The following KIF1A variants were observed in gnomAD, a reference collection of about 807,000 sequenced individuals.
The protein encoded by KIF1A is kinesin-like protein KIF1A.
In KIF1A, 46 loss-of-function variants were observed where a neutral mutation model predicts 227.3. The observed-to-expected ratio is 0.20, with a 90% confidence interval of 0.16 to 0.26. The LOEUF (loss-of-function observed/expected upper bound fraction) is 0.26, where lower values mean the gene tolerates loss of function less well. KIF1A is among the 10% of genes least tolerant of loss of function. KIF1A has a pLI of 1.00. For synonymous variants in KIF1A, 1,022 were observed against 1,012.8 expected (o/e 1.01, Z -0.17); for missense variants, 1,683 against 2,485.9 (o/e 0.68, Z 6.87).
chr2:240,744,268 T>A (rs908441757), intron 32 of KIF1A, among the ~76,000 whole-genome samples: 1 of 152,078 alleles, frequency 6.6e-6, no homozygotes, highest in African/African-American at 2.4e-5. Context: ...CTGGAGTGTG[T>A]CCCTCGGGCT....
chr2:240,730,240 G>T (rs2125659319), intron 38 of KIF1A, among the ~76,000 whole-genome samples: 1 of 152,212 alleles, frequency 6.6e-6, no homozygotes, highest in East Asian at 1.9e-4. Flanking sequence ...GACCCACATG[G>T]GACCCACATT....
At position 240,715,579 on chromosome 2, in the gene KIF1A, A is replaced by C. The variant is rs1437401816; in HGVS notation, c.*1785T>G. ...GCATGGGCCCTGGCCTGCCCTGCAC[A>C]CCACTCTCGGAGATGGAACTTCAGG... On this transcript the variant is annotated 3_prime_UTR_variant, in exon 49 of 49. Coordinates refer to ENST00000498729, the MANE Select transcript of KIF1A (RefSeq NM_001244008.2). The C allele has an allele frequency of 6.6e-6, 1 of 152,300 alleles. No individual in the cohort carries two copies. The highest frequency in any genetic ancestry group is 2.4e-5 in the African/African-American group (1 of 41,404). The allele number at this position is 152,300 out of a possible 1,614,324, so 9.4% of individuals were successfully genotyped here.
Position 240,793,219 on chromosome 2 carries a change from T to C in KIF1A, c.107-3907A>G, listed in dbSNP as rs371937660. 3.9e-5 allele frequency among the ~76,000 whole-genome samples: 6 copies of C among 152,208 alleles called. No individual in the cohort carries two copies. The highest frequency in any genetic ancestry group is 1.4e-4 in the African/African-American group (6 of 41,456). ...CCCACCCTGGGTCCAGATCCCCATCTGTGGGCAAGGGCAGAGATGAGAGGC... is the reference window on the plus strand; with the variant it reads ...CCCACCCTGGGTCCAGATCCCCATCCGTGGGCAAGGGCAGAGATGAGAGGC... On this transcript the variant is annotated intron_variant, in intron 2 of 48. Coordinates refer to ENST00000498729, the MANE Select transcript of KIF1A (RefSeq NM_001244008.2). The surrounding 1 kb of genome is among the most constrained non-coding windows in gnomAD (Gnocchi z 4.8).
Position 240,716,963 on chromosome 2 carries a change from G to T in KIF1A, c.*401C>A. 1 of 173,670 alleles carries T rather than the reference G, an allele frequency of 5.8e-6. No homozygotes were observed. The highest frequency in any genetic ancestry group is 1.5e-4 in the East Asian group (1 of 6,736). 10.8% of individuals were successfully genotyped at this position (173,670 alleles called of 1,614,324 possible). ...ATTACAGGGCTATGTGGAGGCATTA[G>T]AAATAAATACTTATAAATAGAACAA... On this transcript the variant is annotated 3_prime_UTR_variant, in exon 49 of 49. Transcript: ENST00000498729.
chr2:240,761,837 C>T (rs1008358918), intron 23 of KIF1A, among the ~76,000 whole-genome samples: 22 of 152,194 alleles, frequency 1.4e-4, no homozygotes, highest in African/African-American at 4.8e-4. Flanking sequence ...GACAGCCACA[C>T]ACCATCTGGG....
chr2:240,742,249 G>A (rs1174948084), intron 34 of KIF1A, among the ~76,000 whole-genome samples: 3 of 152,144 alleles, frequency 2.0e-5, no homozygotes. Flanking sequence ...CCCACCAGCT[G>A]CAGAAGCAGC....
chr2:240,746,271 A>T (rs980883576), intron 29 of KIF1A, 94 bp from the exon 30 acceptor site: 1 of 1,455,124 alleles, frequency 6.9e-7, no homozygotes, highest in Middle Eastern at 2.2e-4. Context: ...GGGCTGTGCC[A>T]CCCAGAGCCT....
chr2:240,756,527 C>A (rs146936089), intron 27 of KIF1A, among the ~76,000 whole-genome samples: 6 of 152,214 alleles, frequency 3.9e-5, no homozygotes, highest in African/African-American at 1.4e-4. Flanking sequence ...ATTTGGGCAA[C>A]GTGATAACCA....
chr2:240,813,367 C>T (rs982047966), intron 1 of KIF1A, among the ~76,000 whole-genome samples: 5 of 152,160 alleles, frequency 3.3e-5, no homozygotes, highest in South Asian at 2.1e-4. Flanking sequence ...CCCTGAGTGC[C>T]GCTTGCAGAG....
intron 1 of KIF1A, among the ~76,000 whole-genome samples, chr2:240,819,454 G>A (rs1393866664): frequency 6.6e-6 from 1 of 152,150 alleles, no homozygotes; most frequent in African/African-American, 2.4e-5. Context: ...CGTGGGAGGG[G>A]GTGATGGGCA....
rs372521119 is a variant in KIF1A at position 240,760,790 on chromosome 2, G to T, written c.2319C>A (p.Pro773=). 2.5e-6 allele frequency: 4 copies of T among 1,604,984 alleles called. No homozygotes were observed. The African/African-American group carries it at 5.4e-5, about 22-fold the overall frequency. Residue 773 remains proline (P), a synonymous_variant, in exon 25 of 49, where the codon CCC becomes CCA. Transcript: ENST00000498729. The part of the protein sequence containing the change: ...LTDTLYSPLP[P]DLLPPEAAKD... ...TGGCGGCCTCTGGGGGCAGCAGGTC[G>T]GGTGGCAGAGGGGAGTAGAGTGTGT... is the stretch of plus-strand genomic sequence containing the variant.
At chr2:240,741,836 G>A (rs760855031) in intron 34 of KIF1A, among the ~76,000 whole-genome samples, 4 of 152,170 alleles carry the variant, frequency 2.6e-5, no homozygotes, top group Non-Finnish European at 4.4e-5. Flanking sequence ...TGGCCCGAGA[G>A]GACCTGTCCC....
intron 1 of KIF1A, among the ~76,000 whole-genome samples, chr2:240,804,223 G>A (rs2057204728): frequency 6.6e-6 from 1 of 152,172 alleles, no homozygotes; most frequent in African/African-American, 2.4e-5. Context: ...CCACGATCAC[G>A]CCACTGCACT....
chr2:240,777,788 C>T (rs773231649), intron 10 of KIF1A, among the ~76,000 whole-genome samples: 29 of 152,352 alleles, frequency 1.9e-4, no homozygotes, highest in Middle Eastern at 3.4e-3. Context: ...CGGCTCCTGC[C>T]GGCCTCGCCT....
At chr2:240,729,679 GA>G (rs1408458482) in intron 38 of KIF1A, among the ~76,000 whole-genome samples, 1 of 152,268 alleles carries the variant, frequency 6.6e-6, no homozygotes, top group Admixed American at 6.5e-5. Context: ...GGTCCTAGCA[GA>G]GAATTTCTCA....
Position 240,773,134 on chromosome 2 carries a change from C to A in KIF1A, c.1160G>T (p.Gly387Val), listed in dbSNP as rs868321329. 6.2e-7 allele frequency: 1 copy of A among 1,613,406 alleles called. No homozygotes were observed. Among genetic ancestry groups the A allele is most frequent in the African/African-American group, 1.3e-5 (1 of 74,938 alleles). ...TRLRDLLYAQGLGDITDTNTV... is the reference protein window; with the variant it reads ...TRLRDLLYAQVLGDITDTNTV... ...CTCACTGTCAGTGATGTCGCCAAGA[C>A]CCTGGGCGTACAGAAGGTCCCGCAG... is the stretch of plus-strand genomic sequence containing the variant. Residue 387 changes from glycine (G) to valine (V), a missense_variant, in exon 13 of 49, where the codon GGT (glycine) becomes GTT (valine). Gly to Val is a moderately radical substitution (Grantham distance 109). Around this residue, in one of 12 missense-constraint regions of KIF1A, gnomAD observed 110 missense variants for 133.1 expected, o/e 0.83. Coordinates refer to ENST00000498729, the MANE Select transcript of KIF1A (RefSeq NM_001244008.2).
In KIF1A at chr2:240,734,684, GAAACCAAGGGT is replaced by G. The variant is rs1436638743; in HGVS notation, c.4007+2368_4007+2378del. On this transcript the variant is annotated intron_variant, in intron 38 of 48. Transcript: ENST00000498729. ...CAGGGAGGAAAGAAGAGGCTGAAAT[GAAACCAAGGGT>G]AAACCAAGGGTCACAGATGATACCT... The G allele has an allele frequency of 3.8e-6, 5 of 1,301,938 alleles. No homozygotes were observed. In the South Asian group the frequency reaches 4.9e-5, roughly 13 times the overall value. The allele number at this position is 1,301,938 out of a possible 1,614,324, so 80.6% of individuals were successfully genotyped here. A position where few individuals can be genotyped will look rare whatever the true frequency, so the allele number is the denominator to read the frequency against.
rs1335739120 is a variant in KIF1A at position 240,788,747 on chromosome 2, G to A, written c.183+489C>T. On this transcript the variant is annotated intron_variant, in intron 3 of 48. Transcript: ENST00000498729. This position sits in a 1 kb window ranked among gnomAD's most constrained non-coding sequence, Gnocchi z 6.6. The stretch of plus-strand genomic sequence containing the variant: ...CGGGGAGCCCTGGGGCTGTTATGGG[G>A]GGCAGGTGCTCAGAGATATAGATAT... Among the ~76,000 whole-genome samples the A allele has an allele frequency of 6.6e-6, 1 of 152,078 alleles. No homozygotes were observed. The highest frequency in any genetic ancestry group is 1.5e-5 in the Non-Finnish European group (1 of 68,018).
At chr2:240,718,855 G>A (rs1198371058) in intron 47 of KIF1A, 151 bp downstream of exon 47, 2 of 629,336 alleles carry the variant, frequency 3.2e-6, no homozygotes, top group Non-Finnish European at 5.4e-6. Flanking sequence ...CCCTGAGGCT[G>A]AGTCCCTGAG....
Sources: gnomAD v4.1 joint callset for allele counts (sites outside exome capture counted in the v4.1 genomes callset) on GRCh38, gnomAD v4.1.1 for gene constraint, gnomAD v4.1.1 regional missense constraint, Gnocchi (gnomAD v3.1) non-coding constraint, MANE v1.5 for transcripts, NCBI Gene and HGNC (gene_info 2026-07-23, HGNC 2026-07-21) for gene names.